Variants in DNMBP observed in about 807,000 individuals in gnomAD.
DNMBP encodes the protein dynamin-binding protein.
Under a neutral mutation model 150.0 loss-of-function variants are expected in DNMBP, and 87 were observed. The ratio of observed to expected loss-of-function variants is 0.58; its 90% CI spans 0.49 to 0.69. DNMBP has a LOEUF of 0.69. Ranked by LOEUF, DNMBP falls within the 30% of genes least tolerant of loss-of-function variation. The pLI, the probability that DNMBP is intolerant of heterozygous loss-of-function variation, is 0.00. For synonymous variants in DNMBP, 711 were observed against 750.4 expected (o/e 0.95, Z 0.86); for missense variants, 1,774 against 1,949.0 (o/e 0.91, Z 1.69).
intron 9 of DNMBP, 176 bp from the exon 10 acceptor site, chr10:99,896,573 A>C: frequency 1.6e-6 from 1 of 625,334 alleles, no homozygotes; most frequent in Non-Finnish European, 2.7e-6. Flanking sequence ...CAGCAGAGAG[A>C]CAATGGGCAG....
chr10:99,932,027 G>T lies in DNMBP; in HGVS notation c.2261-22881C>A, dbSNP rs368093979. Among the ~76,000 whole-genome samples, 26 of 152,316 alleles carry T rather than the reference G, an allele frequency of 1.7e-4. No homozygotes were observed. In the South Asian group the frequency reaches 5.4e-3, roughly 32 times the overall value. On this transcript the variant is annotated intron_variant, in intron 4 of 16. Coordinates refer to ENST00000324109, the MANE Select transcript of DNMBP (RefSeq NM_015221.4). Reference sequence around the variant, plus strand: ...GAGGCTGAAGAGATAGGTTGGGGTGGACCCCAGAGGATGTCAATGACATTT... The same window carrying T: ...GAGGCTGAAGAGATAGGTTGGGGTGTACCCCAGAGGATGTCAATGACATTT...
At position 99,885,842 on chromosome 10, in the gene DNMBP, C is replaced by A. The variant is rs2039450301; in HGVS notation, c.3643G>T (p.Gly1215Ter). The A allele has an allele frequency of 6.2e-7, 1 of 1,612,930 alleles. No individual in the cohort carries two copies. Among genetic ancestry groups the A allele is most frequent in the Non-Finnish European group, 8.5e-7 (1 of 1,179,566 alleles). ...TCGTGGAAGATGGCAATAAGGTTTC[C>A]CTCTCTGCCAGCCACTTTGAGTAAC... Reference protein sequence around the residue: ...LSLLKVAGREGNLIAIFHEEH... With the variant: ...LSLLKVAGRE The change falls in exon 14 of 17, where the codon GGA becomes TGA. Residue 1215 changes from glycine (G) to a stop codon, truncating the protein, a stop_gained. Coordinates refer to ENST00000324109, the MANE Select transcript of DNMBP (RefSeq NM_015221.4). LOFTEE classifies it high-confidence loss of function.
At position 99,991,062 on chromosome 10, in the gene DNMBP, C is replaced by A. The variant is rs1246470291; in HGVS notation, c.-11+18776G>T. Among the ~76,000 whole-genome samples, 6 of 151,666 alleles carry A rather than the reference C, an allele frequency of 4.0e-5. No homozygotes were observed. The South Asian group carries it at 1.3e-3, about 32-fold the overall frequency. Reference sequence around the variant, plus strand: ...ACCATTATCACTATCAATTTTAGAACTTCAAAACCTCATAAAGAATTTTTT... The same window carrying A: ...ACCATTATCACTATCAATTTTAGAAATTCAAAACCTCATAAAGAATTTTTT... On this transcript the variant is annotated intron_variant, in intron 1 of 16. Transcript: ENST00000324109.
intron 1 of DNMBP, among the ~76,000 whole-genome samples, chr10:99,990,310 T>C (rs1007006970): frequency 6.6e-6 from 1 of 152,076 alleles, no homozygotes; most frequent in African/African-American, 2.4e-5. Flanking sequence ...CCCAGCACTT[T>C]GAGAGGCTAA....
chr10:99,902,269 C>T (rs1392345091), intron 6 of DNMBP, among the ~76,000 whole-genome samples: 1 of 150,620 alleles, frequency 6.6e-6, no homozygotes, highest in Non-Finnish European at 1.5e-5. Flanking sequence ...TTCATATCAC[C>T]TCACACTGCC....
chr10:99,914,012 C>A, intron 4 of DNMBP: 1 of 1,508,416 alleles, frequency 6.6e-7, no homozygotes, highest in Non-Finnish European at 8.9e-7. Flanking sequence ...GCAGGCGGGA[C>A]AGAATCTTCC....
intron 11 of DNMBP, among the ~76,000 whole-genome samples, chr10:99,891,856 C>G (rs1175594620): frequency 6.6e-6 from 1 of 151,532 alleles, no homozygotes; most frequent in Non-Finnish European, 1.5e-5. Flanking sequence ...GCGCCTCTGC[C>G]CGGCCACGAC....
chr10:99,978,713 C>T (rs2040753595), intron 1 of DNMBP, among the ~76,000 whole-genome samples: 1 of 151,938 alleles, frequency 6.6e-6, no homozygotes, highest in Non-Finnish European at 1.5e-5. Context: ...TGAATATCTG[C>T]GATCACAGGT....
At chr10:99,940,473 T>C (rs1336150174) in intron 4 of DNMBP, among the ~76,000 whole-genome samples, 1 of 152,124 alleles carries the variant, frequency 6.6e-6, no homozygotes, top group Non-Finnish European at 1.5e-5. Context: ...TCCGTTGGCT[T>C]GCCAGACCCC....
At chr10:99,896,209 C>A in intron 10 of DNMBP, 58 bp downstream of exon 10, 1 of 1,587,588 alleles carries the variant, frequency 6.3e-7, no homozygotes, top group Non-Finnish European at 8.6e-7. Context: ...CAGGCTGTCT[C>A]ATGGAGCCCT....
chr10:99,883,795 C>A (rs7087531), intron 15 of DNMBP, among the ~76,000 whole-genome samples: 1 of 151,998 alleles, frequency 6.6e-6, no homozygotes, highest in African/African-American at 2.4e-5. Context: ...TGATAAGCAA[C>A]GGTGTCTCCT....
chr10:99,889,062 A>C, intron 11 of DNMBP, 109 bp from the exon 12 acceptor site: 3 of 1,313,802 alleles, frequency 2.3e-6, no homozygotes, highest in Non-Finnish European at 3.1e-6. Flanking sequence ...CCATAATTTG[A>C]AATTTTCTAA....
Position 99,884,074 on chromosome 10 carries a change from C to A in DNMBP, c.3934G>T (p.Val1312Leu). Residue 1312 changes from valine (V) to leucine (L), a missense_variant, in exon 15 of 17, where the codon GTG (valine) becomes TTG (leucine). This residue lies in a region of DNMBP where 1,430 missense variants were observed against 1,492.5 expected (regional missense o/e 0.96). Coordinates refer to ENST00000324109, the MANE Select transcript of DNMBP (RefSeq NM_015221.4). ...LDVSLLEGDL[V>L]GVIKKKDPMG... ...GGGTCTTTTTTCTTAATCACACCCA[C>A]CAGGTCACCTTCCAAAAGTGAGACA... is the stretch of plus-strand genomic sequence containing the variant. The A allele has an allele frequency of 6.2e-7, 1 of 1,614,092 alleles. No homozygotes were observed. The highest frequency in any genetic ancestry group is 2.2e-5 in the East Asian group (1 of 44,884).
intron 1 of DNMBP, among the ~76,000 whole-genome samples, chr10:99,992,688 G>A (rs1226535578): frequency 5.3e-5 from 8 of 151,956 alleles, no homozygotes; most frequent in African/African-American, 1.2e-4. Flanking sequence ...CACTAAGCCC[G>A]GCTAATTTTT....
intron 1 of DNMBP, among the ~76,000 whole-genome samples, chr10:99,990,372 G>A (rs1031389114): frequency 1.3e-5 from 2 of 151,920 alleles, no homozygotes; most frequent in African/African-American, 4.8e-5. Context: ...GGGCAACATG[G>A]TGAAACTCAT....
At chr10:99,878,710 C>T (rs567638345) in intron 16 of DNMBP, among the ~76,000 whole-genome samples, 72 of 152,188 alleles carry the variant, frequency 4.7e-4, no homozygotes, top group African/African-American at 1.6e-3. Flanking sequence ...GAGATGAGCT[C>T]GCAGACAAAC....
rs150138185 is a variant in DNMBP, at chr10:99,970,425, G to A, written c.146-1188C>T. Among the ~76,000 whole-genome samples, 311 of 152,294 alleles carry A rather than the reference G, an allele frequency of 2.0e-3. 2 individuals are homozygous for A. The highest frequency in any genetic ancestry group is 3.1e-3 in the Non-Finnish European group (214 of 68,018). On this transcript the variant is annotated intron_variant, in intron 2 of 16. Transcript: ENST00000324109. ...CAGAATTGAAGAAAGCTAACCAGGT[G>A]CGTGGAATGTGGGTGGTAGGTACCA...
chr10:100,009,175 TA>T (rs2041107064), intron 1 of DNMBP, among the ~76,000 whole-genome samples: 1 of 152,268 alleles, frequency 6.6e-6, no homozygotes, highest in South Asian at 2.1e-4. Context: ...AATTTAAGTC[TA>T]TACTCCTCAT....
At chr10:99,985,309 A>G (rs1185916519) in intron 1 of DNMBP, among the ~76,000 whole-genome samples, 1 of 152,132 alleles carries the variant, frequency 6.6e-6, no homozygotes, top group African/African-American at 2.4e-5. Context: ...TTTTATAGAA[A>G]CTACAGCCAC....
Sources: gnomAD v4.1 joint callset for allele counts (sites outside exome capture counted in the v4.1 genomes callset) on GRCh38, gnomAD v4.1.1 for gene constraint, gnomAD v4.1.1 regional missense constraint, MANE v1.5 for transcripts, NCBI Gene and HGNC (gene_info 2026-07-23, HGNC 2026-07-21) for gene names.